The following KCNJ6 variants were observed in gnomAD, a reference collection of about 807,000 sequenced individuals.
KCNJ6 encodes potassium inwardly rectifying channel subfamily J member 6, also known as G protein-activated inward rectifier potassium channel 2.
In KCNJ6, 9 loss-of-function variants were observed where a neutral mutation model predicts 34.2. The ratio of observed to expected loss-of-function variants is 0.26; its 90% CI spans 0.16 to 0.46. The LOEUF (loss-of-function observed/expected upper bound fraction) is 0.46. Ranked by LOEUF, KCNJ6 falls within the 20% of genes least tolerant of loss-of-function variation. The pLI is 1.00. For synonymous variants in KCNJ6, 196 were observed against 207.1 expected (o/e 0.95, Z 0.46); for missense variants, 236 against 531.3 (o/e 0.44, Z 5.46).
At chr21:37,904,153 T>C (rs1243454011) in intron 1 of KCNJ6, among the ~76,000 whole-genome samples, 1 of 152,236 alleles carries the variant, frequency 6.6e-6, no homozygotes, top group Non-Finnish European at 1.5e-5. Flanking sequence ...TTCACACTTT[T>C]TGTGGGTGGG....
At chr21:37,700,967 G>A (rs115767360) in intron 3 of KCNJ6, among the ~76,000 whole-genome samples, 5,229 of 152,202 alleles carry the variant, frequency 0.034, 307 homozygotes, top group African/African-American at 0.12. Context: ...GGTCATTTCC[G>A]ACCTGGGCAC....
At chr21:37,694,667 G>T (rs2054656249) in intron 3 of KCNJ6, among the ~76,000 whole-genome samples, 1 of 152,176 alleles carries the variant, frequency 6.6e-6, no homozygotes, top group African/African-American at 2.4e-5. Flanking sequence ...GGTCCAAGAA[G>T]AATAGAAGTA....
At chr21:37,801,380 A>G (rs1182935787) in intron 2 of KCNJ6, among the ~76,000 whole-genome samples, 2 of 152,156 alleles carry the variant, frequency 1.3e-5, no homozygotes, top group Non-Finnish European at 2.9e-5. Flanking sequence ...CATCCTGCAC[A>G]GTTTCAAGCA....
At chr21:37,703,219 G>T (rs957974087) in intron 3 of KCNJ6, among the ~76,000 whole-genome samples, 5 of 152,166 alleles carry the variant, frequency 3.3e-5, no homozygotes, top group African/African-American at 1.2e-4. Flanking sequence ...AAAGAAAGAG[G>T]ATGGTTGTAG....
At chr21:37,682,323 T>C (rs1217436723) in intron 3 of KCNJ6, among the ~76,000 whole-genome samples, 1 of 152,196 alleles carries the variant, frequency 6.6e-6, no homozygotes, top group Non-Finnish European at 1.5e-5. Flanking sequence ...AGGCTGGTCA[T>C]TTGGAACAAA....
intron 1 of KCNJ6, among the ~76,000 whole-genome samples, chr21:37,846,402 TGTGA>T (rs2055508311): frequency 9.5e-6 from 1 of 104,920 alleles, no homozygotes. Context: ...TGTGTGTGTG[TGTGA>T]GGGAGAGAGG....
chr21:37,745,273 A>ATTAT (rs1054100129), intron 2 of KCNJ6, among the ~76,000 whole-genome samples: 2 of 151,586 alleles, frequency 1.3e-5, no homozygotes, highest in Admixed American at 6.6e-5. Context: ...TTTGTTATGT[A>ATTAT]TTATTTATTT....
chr21:37,832,006 C>A (rs936341191), intron 2 of KCNJ6, among the ~76,000 whole-genome samples: 5 of 152,056 alleles, frequency 3.3e-5, no homozygotes, highest in African/African-American at 1.2e-4. Context: ...TTTAAGAAGA[C>A]CCCAAACCTC....
chr21:37,780,502 G>T (rs997601289), intron 2 of KCNJ6, among the ~76,000 whole-genome samples: 1 of 151,318 alleles, frequency 6.6e-6, no homozygotes, highest in Non-Finnish European at 1.5e-5. Context: ...TGGTTCATCA[G>T]TATTGTTACA....
At chr21:37,872,775 C>T (rs193073149) in intron 1 of KCNJ6, among the ~76,000 whole-genome samples, 176 of 152,288 alleles carry the variant, frequency 1.2e-3, no homozygotes, top group African/African-American at 4.0e-3. Flanking sequence ...TCCCCATAAT[C>T]CTCACATGTC....
At chr21:37,736,860 C>G (rs1166658030) in intron 2 of KCNJ6, among the ~76,000 whole-genome samples, 1 of 152,192 alleles carries the variant, frequency 6.6e-6, no homozygotes, top group African/African-American at 2.4e-5. Flanking sequence ...CAACTGACTT[C>G]AGCATTTCAC....
intron 3 of KCNJ6, among the ~76,000 whole-genome samples, chr21:37,682,519 A>G (rs1161469542): frequency 7.0e-6 from 1 of 143,392 alleles, no homozygotes; most frequent in Non-Finnish European, 1.5e-5. Context: ...GCATCACTCC[A>G]GTCTCTGCCT....
In KCNJ6 at chr21:37,714,801, C is replaced by A. The variant is rs762020565; in HGVS notation, c.356G>T (p.Gly119Val). 3 of 1,614,034 alleles carry A rather than the reference C, an allele frequency of 1.9e-6. No homozygotes were observed. The highest frequency in any genetic ancestry group is 2.5e-6 in the Non-Finnish European group (3 of 1,180,044). Residue 119 changes from glycine (G) to valine (V), a missense_variant, in exon 3 of 4, where the codon GGA becomes GTA. By Grantham distance (109) the Gly-to-Val change is moderately radical (BLOSUM62 -3). Around this residue, in one of 5 missense-constraint regions of KCNJ6, gnomAD observed 68 missense variants for 165.7 expected, o/e 0.41. Transcript: ENST00000609713. This position sits in a 1 kb window ranked among gnomAD's most constrained non-coding sequence, Gnocchi z 5.9. ...GGGGTCCTCTATGTGGTCCATGTCT[C>A]CCCGTATGTATGCGATCAACCACCA... ...MIWWLIAYIR[G>V]DMDHIEDPSW...
At chr21:37,892,148 T>C (rs1229985365) in intron 1 of KCNJ6, among the ~76,000 whole-genome samples, 4 of 152,222 alleles carry the variant, frequency 2.6e-5, no homozygotes, top group Non-Finnish European at 4.4e-5. Context: ...CTGTTCCCCA[T>C]TGTAATTCTG....
At chr21:37,862,549 G>A (rs1451526594) in intron 1 of KCNJ6, among the ~76,000 whole-genome samples, 2 of 152,224 alleles carry the variant, frequency 1.3e-5, no homozygotes, top group African/African-American at 4.8e-5. Context: ...CCTAGACACA[G>A]CATCTGTCAA....
At chr21:37,875,359 T>C (rs73423465) in intron 1 of KCNJ6, among the ~76,000 whole-genome samples, 3,082 of 152,292 alleles carry the variant, frequency 0.02, 121 homozygotes, top group African/African-American at 0.071. Context: ...ACCTTTCCTA[T>C]GAATTCAAAA....
At position 37,714,360 on chromosome 21, in the gene KCNJ6, G is replaced by A. The variant is rs757192158; in HGVS notation, c.797C>T (p.Thr266Met). Reference protein sequence around the residue: ...NQTDINVGYYTGDDRLFLVSP... With the variant: ...NQTDINVGYYMGDDRLFLVSP... Reference sequence around the variant, plus strand: ...CACCAGAAACAGACGGTCATCCCCCGTGTAATACCCTACGTTGATATCCGT... The same window carrying A: ...CACCAGAAACAGACGGTCATCCCCCATGTAATACCCTACGTTGATATCCGT... The change falls in exon 3 of 4, where the codon ACG becomes ATG. Residue 266 changes from threonine (T) to methionine (M), a missense_variant. Physicochemically the swap from Thr to Met is moderately conservative, Grantham distance 81 (BLOSUM62 -1). Transcript: ENST00000609713. This position sits in a 1 kb window ranked among gnomAD's most constrained non-coding sequence, Gnocchi z 5.9. 1.2e-6 allele frequency: 2 copies of A among 1,614,102 alleles called. No homozygotes were observed. Among genetic ancestry groups the A allele is most frequent in the Non-Finnish European group, 1.7e-6 (2 of 1,179,994 alleles).
At chr21:37,713,396 G>A (rs2054772997) in intron 3 of KCNJ6, among the ~76,000 whole-genome samples, 1 of 152,168 alleles carries the variant, frequency 6.6e-6, no homozygotes, top group African/African-American at 2.4e-5. Flanking sequence ...AGGCACTATG[G>A]TTATCTTGAG....
chr21:37,626,757 G>T (rs2054313109), intron 3 of KCNJ6, among the ~76,000 whole-genome samples: 1 of 152,118 alleles, frequency 6.6e-6, no homozygotes. Flanking sequence ...TGGTGTCTAT[G>T]GCCCATGATA....
Sources: allele counts gnomAD v4.1 joint callset (sites outside exome capture counted in the v4.1 genomes callset), GRCh38; gene constraint gnomAD v4.1.1; regional missense constraint gnomAD v4.1.1; non-coding constraint Gnocchi (gnomAD v3.1); transcripts MANE v1.5; gene names NCBI Gene and HGNC (gene_info 2026-07-23, HGNC 2026-07-21).